ANK3: variants seen among roughly 807,000 people sequenced by gnomAD.
The protein encoded by ANK3 is ankyrin 3.
A neutral mutation model predicts 370.9 loss-of-function variants in ANK3; 57 were observed. The ratio of observed to expected loss-of-function variants is 0.15; its 90% CI spans 0.12 to 0.19. The LOEUF (loss-of-function observed/expected upper bound fraction) is 0.19. Ranked by LOEUF, ANK3 falls within the 10% of genes least tolerant of loss-of-function variation. ANK3 has a pLI of 1.00. For synonymous variants in ANK3, 1,929 were observed against 1,946.3 expected (o/e 0.99, Z 0.23); for missense variants, 4,439 against 5,302.1 (o/e 0.84, Z 5.06).
intron 1 of ANK3, among the ~76,000 whole-genome samples, chr10:60,626,014 C>T (rs1275338000): frequency 6.6e-6 from 1 of 151,982 alleles, no homozygotes; most frequent in Non-Finnish European, 1.5e-5. Context: ...CTTTATTGAA[C>T]AAGAAAAGAA....
chr10:60,593,856 T>G (rs1005106362), intron 2 of ANK3, among the ~76,000 whole-genome samples: 1 of 152,172 alleles, frequency 6.6e-6, no homozygotes, highest in Non-Finnish European at 1.5e-5. Context: ...TGGGTTTCTG[T>G]GAATGAAATG....
chr10:60,061,187 T>C (rs543707938), intron 40 of ANK3, among the ~76,000 whole-genome samples: 4 of 152,330 alleles, frequency 2.6e-5, no homozygotes, highest in African/African-American at 9.6e-5. Flanking sequence ...ATTTTTCAGT[T>C]ATGGTCATCT....
chr10:60,305,743 T>C (rs2044888734), intron 1 of ANK3, among the ~76,000 whole-genome samples: 1 of 152,146 alleles, frequency 6.6e-6, no homozygotes, highest in Non-Finnish European at 1.5e-5. Flanking sequence ...GGCCAGGACA[T>C]TTTGTTTCTC....
At chr10:60,314,085 T>C (rs1019783772) in intron 1 of ANK3, among the ~76,000 whole-genome samples, 3 of 152,230 alleles carry the variant, frequency 2.0e-5, no homozygotes, top group African/African-American at 2.4e-5. Context: ...TTTTGAGTGA[T>C]TGAATAAATA....
rs1325395192 is a variant in ANK3 at position 60,068,983 on chromosome 10, G to A, written c.11898C>T (p.Ala3966=). 2 of 1,613,632 alleles carry A rather than the reference G, an allele frequency of 1.2e-6. No individual in the cohort carries two copies. The highest frequency in any genetic ancestry group is 8.5e-7 in the Non-Finnish European group (1 of 1,179,904). ...TAGTGGTGGTAGTGGTGGTGGTGGT[G>A]GCAGTGGTGGTGGTGGTAGTGACAC... The part of the protein sequence containing the change: ...STCVTTTTTT[A]TTTTTTTTTT... The change falls in exon 37 of 44, where the codon GCC becomes GCT. Residue 3966 remains alanine, a synonymous_variant. Coordinates refer to ENST00000280772, the MANE Select transcript of ANK3 (RefSeq NM_020987.5).
intron 2 of ANK3, among the ~76,000 whole-genome samples, chr10:60,411,181 A>C (rs575912300): frequency 4.7e-4 from 71 of 152,284 alleles, no homozygotes; most frequent in African/African-American, 1.5e-3. Flanking sequence ...ATTATGTTAG[A>C]TTTGGAGGTT....
At chr10:60,464,313 T>A (rs2064960495) in intron 2 of ANK3, among the ~76,000 whole-genome samples, 1 of 152,248 alleles carries the variant, frequency 6.6e-6, no homozygotes, top group Non-Finnish European at 1.5e-5. Flanking sequence ...AATACTTTTA[T>A]GTTTTGCTTT....
intron 1 of ANK3, among the ~76,000 whole-genome samples, chr10:60,666,156 C>G (rs1588995266): frequency 6.6e-6 from 1 of 152,046 alleles, no homozygotes; most frequent in South Asian, 2.1e-4. Flanking sequence ...GTATAAGCAA[C>G]CCAAGTGTCC....
At chr10:60,032,194 CTTTTTTTTTTT>C (rs552219776) in intron 43 of ANK3, among the ~76,000 whole-genome samples, 8 of 43,128 alleles carry the variant, frequency 1.9e-4, no homozygotes, top group Admixed American at 6.8e-4. Flanking sequence ...TACACAGCTT[CTTTTTTTTTTT>C]TTTTTTTTTT....
At chr10:60,290,403 T>C (rs528135567) in intron 1 of ANK3, among the ~76,000 whole-genome samples, 104 of 151,660 alleles carry the variant, frequency 6.9e-4, no homozygotes, top group African/African-American at 2.5e-3. Flanking sequence ...CTTTTATTCT[T>C]TTTTTTTACT....
At chr10:60,534,053 G>C (rs575034283) in intron 2 of ANK3, among the ~76,000 whole-genome samples, 43 of 152,172 alleles carry the variant, frequency 2.8e-4, no homozygotes, top group African/African-American at 9.4e-4. Flanking sequence ...GTGATTCTCA[G>C]AAGGCCCATA....
chr10:60,310,720 G>A (rs1448812510), intron 1 of ANK3, among the ~76,000 whole-genome samples: 1 of 152,160 alleles, frequency 6.6e-6, no homozygotes, highest in Non-Finnish European at 1.5e-5. Flanking sequence ...TGTCTAAAAT[G>A]TGTAGAAATA....
intron 1 of ANK3, among the ~76,000 whole-genome samples, chr10:60,710,725 G>A (rs956480958): frequency 6.6e-6 from 1 of 152,154 alleles, no homozygotes; most frequent in African/African-American, 2.4e-5. Flanking sequence ...AATTATGGAA[G>A]CTGAAAAGTT....
At chr10:60,332,854 C>T (rs1055519664) in intron 1 of ANK3, among the ~76,000 whole-genome samples, 2 of 151,920 alleles carry the variant, frequency 1.3e-5, no homozygotes, top group African/African-American at 2.4e-5. Flanking sequence ...ATCACTGAAC[C>T]GTAAAAAGTG....
intron 2 of ANK3, among the ~76,000 whole-genome samples, chr10:60,610,204 T>C (rs998615977): frequency 1.4e-4 from 22 of 152,126 alleles, no homozygotes; most frequent in African/African-American, 5.3e-4. Flanking sequence ...CCATTAGTAA[T>C]CAAAGAAAGG....
At chr10:60,700,872 G>A (rs1343887394) in intron 1 of ANK3, among the ~76,000 whole-genome samples, 1 of 151,828 alleles carries the variant, frequency 6.6e-6, no homozygotes, top group East Asian at 1.9e-4. Flanking sequence ...TATAATCAAG[G>A]AATGGAGAAA....
At chr10:60,084,538 C>T in intron 32 of ANK3, 64 bp downstream of exon 32, 2 of 1,382,602 alleles carry the variant, frequency 1.4e-6, no homozygotes, top group Non-Finnish European at 1.0e-6. Flanking sequence ...CTATTAAGAC[C>T]ACAAAATAAA....
intron 1 of ANK3, among the ~76,000 whole-genome samples, chr10:60,317,872 C>T (rs1424341481): frequency 2.0e-5 from 3 of 152,022 alleles, no homozygotes; most frequent in Non-Finnish European, 4.4e-5. Flanking sequence ...TGCCACCATG[C>T]CCAGCTAATT....
chr10:60,380,786 TTTTG>T (rs1261101124), intron 1 of ANK3, among the ~76,000 whole-genome samples: 3 of 152,190 alleles, frequency 2.0e-5, no homozygotes, highest in African/African-American at 7.2e-5. Context: ...ACTTCTTCTG[TTTTG>T]TTTAAGACAA....
Sources: allele counts gnomAD v4.1 joint callset (sites outside exome capture counted in the v4.1 genomes callset), GRCh38; gene constraint gnomAD v4.1.1; transcripts MANE v1.5; gene names NCBI Gene and HGNC (gene_info 2026-07-23, HGNC 2026-07-21).